The following EPB41 variants were observed in gnomAD, a reference collection of about 807,000 sequenced individuals.
The protein encoded by EPB41 is erythrocyte membrane protein band 4.1, also known as protein 4.1.
Under a neutral mutation model 108.0 loss-of-function variants are expected in EPB41, and 65 were observed. That is an observed-to-expected ratio of 0.60 (90% CI 0.49 to 0.74). EPB41 has a LOEUF of 0.74. Among genes scored for constraint, EPB41 ranks in the 30% least tolerant of loss-of-function variants. The pLI is 0.00. For missense variants in EPB41, 875 were observed against 1,037.0 expected (o/e 0.84, Z 2.15); for synonymous variants, 336 against 358.9 (o/e 0.94, Z 0.72).
intron 12 of EPB41, among the ~76,000 whole-genome samples, chr1:29,057,437 T>A (rs1195856301): frequency 1.3e-5 from 2 of 150,742 alleles, no homozygotes; most frequent in South Asian, 4.2e-4. Context: ...CCCCTGGTAG[T>A]TAAAGTGCTG....
At chr1:28,924,302 G>A (rs1318257622) in intron 1 of EPB41, among the ~76,000 whole-genome samples, 3 of 152,228 alleles carry the variant, frequency 2.0e-5, no homozygotes, top group South Asian at 4.1e-4. Flanking sequence ...GCCAAGGTGG[G>A]TGGATCACCT....
intron 1 of EPB41, among the ~76,000 whole-genome samples, chr1:28,963,579 C>T (rs1378688574): frequency 6.6e-6 from 1 of 152,104 alleles, no homozygotes; most frequent in Non-Finnish European, 1.5e-5. Flanking sequence ...GAGAATGGGT[C>T]AGGAGATTCT....
At chr1:29,043,520 G>A (rs977840166) in intron 11 of EPB41, among the ~76,000 whole-genome samples, 3 of 152,162 alleles carry the variant, frequency 2.0e-5, no homozygotes, top group East Asian at 1.9e-4. Context: ...CCTGAGGAAC[G>A]GAATTTTAAT....
At chr1:28,982,436 T>C in intron 1 of EPB41, 1 of 757,154 alleles carries the variant, frequency 1.3e-6, no homozygotes, top group South Asian at 1.3e-5. Context: ...ATCTTCTTCT[T>C]GCCCATGGCA....
At chr1:28,951,855 G>A (rs1436772299) in intron 1 of EPB41, among the ~76,000 whole-genome samples, 1 of 152,098 alleles carries the variant, frequency 6.6e-6, no homozygotes, top group Non-Finnish European at 1.5e-5. Context: ...TGCAGCCTGG[G>A]AATGACGGAG....
intron 1 of EPB41, among the ~76,000 whole-genome samples, chr1:28,888,061 T>C (rs1015208302): frequency 2.0e-5 from 3 of 152,336 alleles, no homozygotes; most frequent in African/African-American, 7.2e-5. Flanking sequence ...GGCAGGGACC[T>C]GTCCAGACCA....
intron 16 of EPB41, among the ~76,000 whole-genome samples, chr1:29,068,418 A>G (rs1649519229): frequency 6.6e-6 from 1 of 152,164 alleles, no homozygotes; most frequent in African/African-American, 2.4e-5. Context: ...AAATCTTCTC[A>G]GGGTTGGTTT....
chr1:29,094,250 T>TTTG (rs1405974018), intron 16 of EPB41, among the ~76,000 whole-genome samples: 2 of 152,098 alleles, frequency 1.3e-5, no homozygotes, highest in Non-Finnish European at 2.9e-5. Context: ...GTGTTTGTTT[T>TTTG]TTGTTGTTGT....
At chr1:29,086,940 C>CTTTTT (rs386366593) in intron 16 of EPB41, among the ~76,000 whole-genome samples, 33 of 98,540 alleles carry the variant, frequency 3.3e-4, no homozygotes, top group East Asian at 6.2e-4. Flanking sequence ...AACTGTGGTT[C>CTTTTT]TTTTTTTTTT....
At chr1:29,071,966 A>C (rs1219642112) in intron 16 of EPB41, 4 of 152,188 alleles carry the variant, frequency 2.6e-5, no homozygotes, top group Non-Finnish European at 5.9e-5. Context: ...AGAGCAAAAA[A>C]AGAGAACAGT....
intron 12 of EPB41, chr1:29,053,638 C>G (rs1253515958): frequency 2.4e-5 from 6 of 247,352 alleles, no homozygotes; most frequent in Non-Finnish European, 4.8e-5. Context: ...TGGCTCACTG[C>G]AAACTCCGCC....
At chr1:28,929,253 T>G (rs2093608096) in intron 1 of EPB41, among the ~76,000 whole-genome samples, 1 of 150,950 alleles carries the variant, frequency 6.6e-6, no homozygotes, top group African/African-American at 2.4e-5. Context: ...TGAGACAGAG[T>G]CTTGCTCTGT....
intron 1 of EPB41, chr1:28,889,818 T>C (rs1037550169): frequency 3.0e-6 from 3 of 985,360 alleles, no homozygotes; most frequent in Non-Finnish European, 2.4e-6. Context: ...TAAGCCTTTC[T>C]TGAGCACGTA....
Position 28,887,257 on chromosome 1 carries a change from C to A in EPB41, c.-8+47C>A. On this transcript the variant is annotated intron_variant, in intron 1 of 16. Transcript: ENST00000347529. The surrounding 1 kb of genome is among the most constrained non-coding windows in gnomAD (Gnocchi z 4.9). ...GGCGACCCTCGGTCCCCGGGAGGGA[C>A]GGGGTTAGGGACAGAAGAACCTACC... 1 of 1,276,338 alleles carries A rather than the reference C, an allele frequency of 7.8e-7. No homozygotes were observed. Among genetic ancestry groups the A allele is most frequent in the Non-Finnish European group, 1.0e-6 (1 of 983,296 alleles). The allele number at this position is 1,276,338 out of a possible 1,614,324, so 79.1% of individuals were successfully genotyped here. A position where few individuals can be genotyped will look rare whatever the true frequency, so the allele number is the denominator to read the frequency against.
intron 1 of EPB41, among the ~76,000 whole-genome samples, chr1:28,971,165 T>G (rs968581536): frequency 6.6e-5 from 9 of 136,750 alleles, no homozygotes; most frequent in African/African-American, 2.6e-4. Context: ...ATCTTTTTTT[T>G]TTCTTTCTTT....
rs143501752 is a variant in EPB41, at chr1:28,988,428, C to T, written c.468+523C>T. On this transcript the variant is annotated intron_variant, in intron 2 of 20. Coordinates refer to ENST00000343067, the MANE Select transcript of EPB41 (RefSeq NM_001376013.1). Reference sequence around the variant, plus strand: ...AGGCTGGAGTGCAGTGGTGTGATCTCGGCCCACTGCAACCTCCCCGTCCTG... The same window carrying T: ...AGGCTGGAGTGCAGTGGTGTGATCTTGGCCCACTGCAACCTCCCCGTCCTG... Among the ~76,000 whole-genome samples the T allele has an allele frequency of 7.2e-3, 1,091 of 151,240 alleles. 16 individuals carry two copies. The highest frequency in any genetic ancestry group is 0.023 in the African/African-American group (942 of 41,150).
chr1:28,968,926 C>T (rs2095426079), intron 1 of EPB41, among the ~76,000 whole-genome samples: 3 of 151,258 alleles, frequency 2.0e-5, no homozygotes, highest in South Asian at 4.2e-4. Context: ...GATCGCACCA[C>T]TGGACTCCAG....
chr1:29,082,103 A>T (rs976217600), intron 16 of EPB41, among the ~76,000 whole-genome samples: 3 of 152,110 alleles, frequency 2.0e-5, no homozygotes, highest in Admixed American at 1.3e-4. Context: ...GAATCAAGGT[A>T]ACTATTTCTT....
At chr1:28,942,734 T>G (rs1001372328) in intron 1 of EPB41, among the ~76,000 whole-genome samples, 2 of 152,168 alleles carry the variant, frequency 1.3e-5, no homozygotes, top group East Asian at 3.8e-4. Flanking sequence ...CCCTGGAGAT[T>G]GTGTGGTGGT....
Sources: allele counts gnomAD v4.1 joint callset (sites outside exome capture counted in the v4.1 genomes callset), GRCh38; gene constraint gnomAD v4.1.1; non-coding constraint Gnocchi (gnomAD v3.1); transcripts MANE v1.5; gene names NCBI Gene and HGNC (gene_info 2026-07-23, HGNC 2026-07-21).